SAMMSON: variants seen among roughly 807,000 people sequenced by gnomAD.
SAMMSON encodes long intergenic non-protein coding RNA 1212.
rs2067452245 is a variant in SAMMSON, at chr3:70,125,306, T to C, written n.507+53741T>C. 8.3e-6 allele frequency: 11 copies of C among 1,329,434 alleles called. No individual in the cohort carries two copies. In the South Asian group the frequency reaches 1.2e-4, roughly 15 times the overall value. The allele number at this position is 1,329,434 out of a possible 1,614,324, so 82.4% of individuals were successfully genotyped here. A position where few individuals can be genotyped will look rare whatever the true frequency, so the allele number is the denominator to read the frequency against. On this transcript the variant is annotated intron_variant and non_coding_transcript_variant, in intron 4 of 9. Transcript: ENST00000642114. The stretch of plus-strand genomic sequence containing the variant: ...AAAGTCAACATATCTTCCAAAAATA[T>C]ATTTAAGGTCCTTTTCTTGAACATG...
Position 70,028,118 on chromosome 3 carries a change from C to T in SAMMSON, n.417+14446C>T, listed in dbSNP as rs903506578. Among the ~76,000 whole-genome samples the T allele has an allele frequency of 1.3e-4, 19 of 148,838 alleles. No individual in the cohort carries two copies. In the South Asian group the frequency reaches 4.1e-3, roughly 32 times the overall value. Reference sequence around the variant, plus strand: ...CTTCCTTCCTTCCTTCCTTCCCTTCCTTCCTTCCGTCCCTTCCTTCCTTCT... The same window carrying T: ...CTTCCTTCCTTCCTTCCTTCCCTTCTTTCCTTCCGTCCCTTCCTTCCTTCT... On this transcript the variant is annotated intron_variant and non_coding_transcript_variant, in intron 3 of 9. Coordinates refer to ENST00000642114, the Ensembl canonical transcript of SAMMSON.
intron 6 of SAMMSON, among the ~76,000 whole-genome samples, chr3:70,255,862 C>G (rs1559546269): frequency 6.6e-6 from 1 of 152,172 alleles, no homozygotes; most frequent in Non-Finnish European, 1.5e-5. Context: ...TTAGAAAATG[C>G]TTTAACTTCT....
At chr3:70,418,977 CCT>C (rs552616549) in intron 2 of SAMMSON, among the ~76,000 whole-genome samples, 10,422 of 73,418 alleles carry the variant, frequency 0.14, 634 homozygotes, top group Non-Finnish European at 0.18. Context: ...TTCCTTCCTT[CCT>C]TCTCTCTCTC....
chr3:70,017,305 C>A (rs1442588213), intron 3 of SAMMSON, among the ~76,000 whole-genome samples: 1 of 152,082 alleles, frequency 6.6e-6, no homozygotes, highest in South Asian at 2.1e-4. Flanking sequence ...TCCTTCACGT[C>A]CCTTGTAAGT....
At chr3:70,150,413 A>G (rs575639753) in intron 4 of SAMMSON, among the ~76,000 whole-genome samples, 1 of 152,234 alleles carries the variant, frequency 6.6e-6, no homozygotes, top group South Asian at 2.1e-4. Context: ...TTAACTCATC[A>G]GAATATTATT....
intron 3 of SAMMSON, among the ~76,000 whole-genome samples, chr3:70,027,526 C>CA (rs1365012125): frequency 2.0e-5 from 3 of 152,126 alleles, no homozygotes; most frequent in African/African-American, 7.2e-5. Context: ...TCTTTGTCAT[C>CA]AAAAATCAAT....
At chr3:70,126,048 C>A in intron 4 of SAMMSON, 1 of 1,016,140 alleles carries the variant, frequency 9.8e-7, no homozygotes, top group Non-Finnish European at 1.5e-6. Context: ...TCATTTTATT[C>A]ATAAGATGAA....
intron 4 of SAMMSON, among the ~76,000 whole-genome samples, chr3:70,091,803 G>A (rs2067305850): frequency 6.6e-6 from 1 of 152,092 alleles, no homozygotes; most frequent in Admixed American, 6.6e-5. Flanking sequence ...TCTTCTAAAA[G>A]TCAAGAGGTA....
chr3:70,386,295 G>A (rs192814790), intron 9 of SAMMSON, among the ~76,000 whole-genome samples: 24 of 152,224 alleles, frequency 1.6e-4, no homozygotes, highest in Non-Finnish European at 3.4e-4. Flanking sequence ...CTGATTTCAA[G>A]AGGGGAGTTG....
In SAMMSON at chr3:70,198,437, A is replaced by G. The variant is rs75290436; in HGVS notation, n.508-50670A>G. Among the ~76,000 whole-genome samples, 1,399 of 152,282 alleles carry G rather than the reference A, an allele frequency of 9.2e-3. 17 individuals are homozygous for G. Among genetic ancestry groups the G allele is most frequent in the African/African-American group, 0.032 (1,320 of 41,558 alleles). ...GCTCTTTTCTTTCATTATTCATATA[A>G]TAGTCTTTAAGTGAAAGAAAAATAT... On this transcript the variant is annotated intron_variant and non_coding_transcript_variant, in intron 4 of 9. Coordinates refer to ENST00000642114, the Ensembl canonical transcript of SAMMSON.
chr3:70,327,619 C>T (rs1443674856), intron 7 of SAMMSON, among the ~76,000 whole-genome samples: 1 of 152,112 alleles, frequency 6.6e-6, no homozygotes, highest in Non-Finnish European at 1.5e-5. Context: ...GGAAGACTAC[C>T]AGAAAGGAAA....
intron 4 of SAMMSON, among the ~76,000 whole-genome samples, chr3:70,117,249 C>T (rs1381430615): frequency 6.6e-6 from 1 of 152,144 alleles, no homozygotes; most frequent in African/African-American, 2.4e-5. Context: ...AAGGATAACA[C>T]CCACATTATT....
chr3:70,250,446 CACACAA>C (rs773149557), intron 6 of SAMMSON, among the ~76,000 whole-genome samples: 7 of 136,502 alleles, frequency 5.1e-5, no homozygotes, highest in South Asian at 2.2e-4. Context: ...CACACACACA[CACACAA>C]ACACAAACCT....
At chr3:70,194,533 A>G (rs1268401124) in intron 4 of SAMMSON, among the ~76,000 whole-genome samples, 1 of 152,216 alleles carries the variant, frequency 6.6e-6, no homozygotes, top group Non-Finnish European at 1.5e-5. Context: ...GAAATTTCAC[A>G]CTTTGTATAA....
chr3:70,060,200 G>A (rs939327027), intron 3 of SAMMSON, among the ~76,000 whole-genome samples: 4 of 152,094 alleles, frequency 2.6e-5, no homozygotes, highest in Non-Finnish European at 4.4e-5. Context: ...TTCATGCCAG[G>A]CACTGTGCTA....
At chr3:70,193,148 G>A (rs1433310569) in intron 4 of SAMMSON, among the ~76,000 whole-genome samples, 2 of 152,098 alleles carry the variant, frequency 1.3e-5, no homozygotes, top group Non-Finnish European at 2.9e-5. Context: ...CCAGAAGGAG[G>A]CATATTTATC....
chr3:70,021,999 A>G (rs914928077), intron 3 of SAMMSON, among the ~76,000 whole-genome samples: 12 of 152,158 alleles, frequency 7.9e-5, no homozygotes, highest in Admixed American at 2.6e-4. Context: ...TTTAGGCACC[A>G]GAATGGAGGC....
rs560627832 is a variant in SAMMSON at position 70,151,243 on chromosome 3, C to T, written n.507+79678C>T. On this transcript the variant is annotated intron_variant and non_coding_transcript_variant, in intron 4 of 9. Coordinates refer to ENST00000642114, the Ensembl canonical transcript of SAMMSON. ...GGGGAAGAAGTTGGGGTTATCACACCAGGAATCTGGGAAGAGACTCCTTGG... is the reference window on the plus strand; with the variant it reads ...GGGGAAGAAGTTGGGGTTATCACACTAGGAATCTGGGAAGAGACTCCTTGG... Among the ~76,000 whole-genome samples, 53 of 152,038 alleles carry T rather than the reference C, an allele frequency of 3.5e-4. 1 individual carries two copies. Among genetic ancestry groups the T allele is most frequent in the African/African-American group, 1.2e-3 (49 of 41,506 alleles).
chr3:70,241,068 G>A (rs1575604621), intron 4 of SAMMSON, among the ~76,000 whole-genome samples: 1 of 152,096 alleles, frequency 6.6e-6, no homozygotes, highest in East Asian at 1.9e-4. Context: ...TTTAGCCTGT[G>A]ATGTGACTGC....
Sources: allele counts gnomAD v4.1 joint callset (sites outside exome capture counted in the v4.1 genomes callset), GRCh38; gene constraint gnomAD v4.1.1; transcripts MANE v1.5; gene names NCBI Gene and HGNC (gene_info 2026-07-23, HGNC 2026-07-21).